AGBL3: variants seen among roughly 807,000 people sequenced by gnomAD.
AGBL3 encodes the protein cytosolic carboxypeptidase 3.
A neutral mutation model predicts 94.5 loss-of-function variants in AGBL3; 68 were observed. That is an observed-to-expected ratio of 0.72 (90% CI 0.59 to 0.88). AGBL3 has a LOEUF of 0.88. Among genes scored for constraint, AGBL3 ranks in the 40% least tolerant of loss-of-function variants. The pLI is 0.00. For synonymous variants in AGBL3, 354 were observed against 370.7 expected, an observed-to-expected ratio of 0.95 and a Z score of 0.52; for missense variants, 934 against 1,103.8, an observed-to-expected ratio of 0.85 and a Z score of 2.18.
intron 12 of AGBL3, among the ~76,000 whole-genome samples, chr7:135,064,027 A>G (rs1819063792): frequency 6.6e-6 from 1 of 152,220 alleles, no homozygotes; most frequent in African/African-American, 2.4e-5. Flanking sequence ...GGCCAATCAC[A>G]AGAGTTCAAG....
At chr7:135,089,099 G>A (rs1036369042) in intron 15 of AGBL3, among the ~76,000 whole-genome samples, 5 of 150,578 alleles carry the variant, frequency 3.3e-5, no homozygotes, top group Non-Finnish European at 5.9e-5. Context: ...GAGTATTTCA[G>A]ACTACCTGTC....
chr7:135,045,807 G>T lies in AGBL3; in HGVS notation c.1737G>T (p.Arg579=). 3 of 1,547,526 alleles carry T rather than the reference G, an allele frequency of 1.9e-6. No homozygotes were observed. Among genetic ancestry groups the T allele is most frequent in the Non-Finnish European group, 2.6e-6 (3 of 1,144,598 alleles). Residue 579 remains arginine, a synonymous_variant, in exon 11 of 17, where the codon CGG becomes CGT. Coordinates refer to ENST00000436302, the MANE Select transcript of AGBL3 (RefSeq NM_178563.4). Reference sequence around the variant, plus strand: ...TTATTACTTTTGCCTAGTATTATCGGTGCCTGAAAGAATTAGAAGAAATGG... The same window carrying T: ...TTATTACTTTTGCCTAGTATTATCGTTGCCTGAAAGAATTAGAAGAAATGG... ...YCDPDRTKYY[R]CLKELEEMER... is the part of the protein sequence containing the mutation.
intron 1 of AGBL3, among the ~76,000 whole-genome samples, chr7:134,987,497 CTTAAAA>C (rs1333127937): frequency 2.0e-5 from 3 of 152,100 alleles, no homozygotes; most frequent in Admixed American, 6.5e-5. Flanking sequence ...AAGGAGAAAA[CTTAAAA>C]TTATATTGCT....
chr7:135,104,799 T>G (rs1824408286), intron 15 of AGBL3, among the ~76,000 whole-genome samples: 1 of 151,968 alleles, frequency 6.6e-6, no homozygotes, highest in Non-Finnish European at 1.5e-5. Context: ...CTTGTACATT[T>G]GTTTAAGTTC....
Position 134,993,657 on chromosome 7 carries a change from G to T in AGBL3, c.289G>T (p.Asp97Tyr). The T allele has an allele frequency of 1.3e-6, 2 of 1,550,268 alleles. No homozygotes were observed. Among genetic ancestry groups the T allele is most frequent in the Non-Finnish European group, 1.7e-6 (2 of 1,146,232 alleles). Residue 97 changes from aspartate to tyrosine, a missense_variant, in exon 4 of 17, where the codon GAT becomes TAT. Asp to Tyr is a radical substitution (Grantham distance 160, BLOSUM62 -3). This residue lies in a region of AGBL3 where 488 missense variants were observed against 563.6 expected (regional missense o/e 0.87). Coordinates refer to ENST00000436302, the MANE Select transcript of AGBL3 (RefSeq NM_178563.4). ...TRWPYHCEVIDEKVQHIDWTP... is the reference protein window; with the variant it reads ...TRWPYHCEVIYEKVQHIDWTP... ...GTGGCCATACCATTGTGAAGTCATCGATGAAAAAGTCCAGCATATTGGTAT... is the reference window on the plus strand; with the variant it reads ...GTGGCCATACCATTGTGAAGTCATCTATGAAAAAGTCCAGCATATTGGTAT...
At chr7:135,070,940 C>G (rs1444338725) in intron 12 of AGBL3, among the ~76,000 whole-genome samples, 2 of 151,986 alleles carry the variant, frequency 1.3e-5, no homozygotes, top group South Asian at 4.2e-4. Flanking sequence ...CAAATTGTCC[C>G]TGTTTGCAGA....
intron 5 of AGBL3, among the ~76,000 whole-genome samples, chr7:135,030,745 A>G (rs1367349329): frequency 6.6e-6 from 1 of 152,002 alleles, no homozygotes; most frequent in African/African-American, 2.4e-5. Context: ...ATGTCACTGG[A>G]TATTTGTCCA....
chr7:135,049,983 A>G (rs1015770146), intron 11 of AGBL3, among the ~76,000 whole-genome samples: 3 of 151,742 alleles, frequency 2.0e-5, no homozygotes, highest in East Asian at 1.9e-4. Context: ...CTCGAGGTAT[A>G]AAATTAGGTC....
At chr7:135,133,777 C>A (rs1829109015) in intron 16 of AGBL3, among the ~76,000 whole-genome samples, 1 of 152,018 alleles carries the variant, frequency 6.6e-6, no homozygotes, top group Non-Finnish European at 1.5e-5. Context: ...CACAAAAAAA[C>A]CTGTGTGTAT....
intron 12 of AGBL3, among the ~76,000 whole-genome samples, chr7:135,066,923 C>T (rs1408586232): frequency 2.0e-5 from 3 of 152,154 alleles, no homozygotes; most frequent in South Asian, 4.1e-4. Context: ...GAGCATGAGC[C>T]GAAGCAGGGC....
intron 4 of AGBL3, among the ~76,000 whole-genome samples, chr7:135,015,037 A>G (rs1164446933): frequency 1.5e-4 from 23 of 152,240 alleles, no homozygotes; most frequent in Non-Finnish European, 2.9e-5. Flanking sequence ...GATTGTGATA[A>G]TGGAAAGATG....
intron 5 of AGBL3, among the ~76,000 whole-genome samples, chr7:135,029,694 G>C (rs1815513256): frequency 6.6e-6 from 1 of 152,062 alleles, no homozygotes; most frequent in South Asian, 2.1e-4. Flanking sequence ...TCACAACCTG[G>C]TTAACTGACA....
intron 5 of AGBL3, among the ~76,000 whole-genome samples, chr7:135,029,936 A>G (rs574844107): frequency 6.6e-6 from 1 of 152,290 alleles, no homozygotes; most frequent in East Asian, 1.9e-4. Context: ...GAATAGTCAG[A>G]ACACACACAG....
At position 134,991,018 on chromosome 7, in the gene AGBL3, C is replaced by G. The variant is rs566084299; in HGVS notation, c.124+1708C>G. On this transcript the variant is annotated intron_variant, in intron 3 of 16. Coordinates refer to ENST00000436302, the MANE Select transcript of AGBL3 (RefSeq NM_178563.4). ...TCTGTGGATAATTCAGATCTCAGTT[C>G]TGATCTGTAAGCCTTTGCTATGCTT... Among the ~76,000 whole-genome samples the G allele has an allele frequency of 4.7e-4, 71 of 152,228 alleles. No homozygotes were observed. In the Middle Eastern group the frequency reaches 0.027, roughly 58 times the overall value.
chr7:135,068,444 A>G (rs1260558833), intron 12 of AGBL3, among the ~76,000 whole-genome samples: 2 of 152,228 alleles, frequency 1.3e-5, no homozygotes, highest in Admixed American at 1.3e-4. Flanking sequence ...CAGATTCACC[A>G]AAGTTGAAAA....
At chr7:135,042,374 G>A (rs2116533772) in intron 8 of AGBL3, among the ~76,000 whole-genome samples, 1 of 152,158 alleles carries the variant, frequency 6.6e-6, no homozygotes, top group Non-Finnish European at 1.5e-5. Context: ...GCAACAACTT[G>A]GATAAATCTC....
intron 5 of AGBL3, among the ~76,000 whole-genome samples, chr7:135,023,990 C>G (rs537349303): frequency 6.6e-6 from 1 of 152,264 alleles, no homozygotes; most frequent in Admixed American, 6.5e-5. Context: ...CTTGTGAGTG[C>G]TGAGTGTAGA....
At position 135,055,232 on chromosome 7, in the gene AGBL3, T is replaced by C. The variant is rs1204529398; in HGVS notation, c.1842-3937T>C. Reference sequence around the variant, plus strand: ...GCACATTAGGAATCAAATTTCAACATGAGTTTGGGTGGGGACAAACCATAA... The same window carrying C: ...GCACATTAGGAATCAAATTTCAACACGAGTTTGGGTGGGGACAAACCATAA... On this transcript the variant is annotated intron_variant, in intron 11 of 16. Coordinates refer to ENST00000436302, the MANE Select transcript of AGBL3 (RefSeq NM_178563.4). Among the ~76,000 whole-genome samples, 3 of 152,150 alleles carry C rather than the reference T, an allele frequency of 2.0e-5. No individual in the cohort carries two copies. The East Asian group carries it at 5.8e-4, about 29-fold the overall frequency.
intron 13 of AGBL3, among the ~76,000 whole-genome samples, chr7:135,078,593 C>A (rs987695554): frequency 1.3e-5 from 2 of 152,010 alleles, no homozygotes; most frequent in Admixed American, 1.3e-4. Context: ...CGTATCCAAG[C>A]TACATTTAAT....
Sources: allele counts gnomAD v4.1 joint callset (sites outside exome capture counted in the v4.1 genomes callset), GRCh38; gene constraint gnomAD v4.1.1; regional missense constraint gnomAD v4.1.1; transcripts MANE v1.5; gene names NCBI Gene and HGNC (gene_info 2026-07-23, HGNC 2026-07-21).